CUX2: variants seen among roughly 807,000 people sequenced by gnomAD.
CUX2 encodes the protein cut like homeobox 2.
In CUX2, 40 loss-of-function variants were observed where a neutral mutation model predicts 144.8. The ratio of observed to expected loss-of-function variants is 0.28; its 90% CI spans 0.21 to 0.36. CUX2 has a LOEUF of 0.36. CUX2 is among the 10% of genes least tolerant of loss of function. The pLI, the probability that CUX2 is intolerant of heterozygous loss-of-function variation, is 1.00. For synonymous variants in CUX2, 827 were observed against 875.6 expected (o/e 0.94, Z 0.98); for missense variants, 1,615 against 1,994.0 (o/e 0.81, Z 3.62).
intron 1 of CUX2, among the ~76,000 whole-genome samples, chr12:111,172,902 G>C (rs1878632991): frequency 6.6e-6 from 1 of 152,244 alleles, no homozygotes; most frequent in South Asian, 2.1e-4. Context: ...TTCCCTTCCA[G>C]CTTTAGCTCC....
intron 1 of CUX2, among the ~76,000 whole-genome samples, chr12:111,169,949 G>T (rs1454975679): frequency 6.6e-6 from 1 of 152,184 alleles, no homozygotes; most frequent in Non-Finnish European, 1.5e-5. Context: ...GCCCGCTAGA[G>T]ATTGTGTGTG....
At chr12:111,081,187 G>A (rs1453766631) in intron 1 of CUX2, among the ~76,000 whole-genome samples, 1 of 152,118 alleles carries the variant, frequency 6.6e-6, no homozygotes, top group African/African-American at 2.4e-5. Context: ...GCCCCCTACT[G>A]TTGTCCACCC....
At chr12:111,214,407 CAAGAA>C in intron 2 of CUX2, 97 bp downstream of exon 2, 1 of 695,988 alleles carries the variant, frequency 1.4e-6, no homozygotes, top group Admixed American at 3.3e-5. Flanking sequence ...AAGTGACTAA[CAAGAA>C]AAGAAGCTAA....
At chr12:111,132,039 A>G (rs1875516315) in intron 1 of CUX2, among the ~76,000 whole-genome samples, 1 of 152,118 alleles carries the variant, frequency 6.6e-6, no homozygotes, top group South Asian at 2.1e-4. Flanking sequence ...GCCCTAGCAA[A>G]CGTTCTCCAT....
At chr12:111,133,064 A>G (rs1394392444) in intron 1 of CUX2, among the ~76,000 whole-genome samples, 1 of 152,198 alleles carries the variant, frequency 6.6e-6, no homozygotes, top group Non-Finnish European at 1.5e-5. Context: ...AGGTCCCCAC[A>G]GGATCCTCAT....
intron 1 of CUX2, among the ~76,000 whole-genome samples, chr12:111,137,377 T>TTGTTGTTGTTGTTGTTGA (rs1566246566): frequency 1.3e-5 from 2 of 148,192 alleles, no homozygotes; most frequent in African/African-American, 5.3e-5. Flanking sequence ...GTTGATGTTG[T>TTGTTGTTGTTGTTGTTGA]CGTTGTTGTT....
intron 4 of CUX2, among the ~76,000 whole-genome samples, chr12:111,280,518 G>A (rs73199847): frequency 0.049 from 7,499 of 152,242 alleles, 196 homozygotes; most frequent in South Asian, 0.09. Context: ...TCCTCTGGCT[G>A]CTGTGCCCCA....
chr12:111,059,252 G>A lies in CUX2; in HGVS notation c.63+25012G>A, dbSNP rs910268141. Reference sequence around the variant, plus strand: ...GGGGCCCCTCTTTGCAGGGCTTCTCGGGGAGGTGGGAGGGGAGGAGGGCTA... The same window carrying A: ...GGGGCCCCTCTTTGCAGGGCTTCTCAGGGAGGTGGGAGGGGAGGAGGGCTA... On this transcript the variant is annotated intron_variant, in intron 1 of 21. Transcript: ENST00000261726. The surrounding 1 kb of genome is among the most constrained non-coding windows in gnomAD (Gnocchi z 5.3). Among the ~76,000 whole-genome samples, 9 of 152,232 alleles carry A rather than the reference G, an allele frequency of 5.9e-5. No homozygotes were observed. Among genetic ancestry groups the A allele is most frequent in the African/African-American group, 1.7e-4 (7 of 41,464 alleles).
In CUX2 at chr12:111,214,161, TTC is replaced by T. The variant is rs200759856; in HGVS notation, c.64-27_64-26del. 7.4e-5 allele frequency: 92 copies of T among 1,235,222 alleles called. 1 individual carries two copies. The highest frequency in any genetic ancestry group is 4.6e-4 in the South Asian group (30 of 64,596). The allele number at this position is 1,235,222 out of a possible 1,614,324, so 76.5% of individuals were successfully genotyped here. ...AAAAAAGAAGAAAAATCTTTTTCTT[TTC>T]TCTCTCTCTCTTTTTTTTTTTTTTT... On this transcript the variant is annotated intron_variant, in intron 1 of 21. Transcript: ENST00000261726.
intron 1 of CUX2, among the ~76,000 whole-genome samples, chr12:111,093,081 G>T (rs1291449600): frequency 6.6e-6 from 1 of 152,182 alleles, no homozygotes; most frequent in Non-Finnish European, 1.5e-5. Context: ...CTCCCAAAGT[G>T]CTGGGACTGC....
intron 1 of CUX2, among the ~76,000 whole-genome samples, chr12:111,102,726 C>G (rs1873333690): frequency 1.3e-5 from 2 of 152,146 alleles, no homozygotes; most frequent in African/African-American, 2.4e-5. Context: ...AGTTCTAGTT[C>G]TTCCAGTTGC....
rs766481035 is a variant in CUX2, at chr12:111,160,029, A to T, written c.64-54171A>T. Reference sequence around the variant, plus strand: ...GACAAAGTGAGACTATCTTAAAAACAAAACAAAACAACAACTACAAAAAAA... The same window carrying T: ...GACAAAGTGAGACTATCTTAAAAACTAAACAAAACAACAACTACAAAAAAA... On this transcript the variant is annotated intron_variant, in intron 1 of 21. Coordinates refer to ENST00000261726, the MANE Select transcript of CUX2 (RefSeq NM_015267.4). This position sits in a 1 kb window ranked among gnomAD's most constrained non-coding sequence, Gnocchi z 4.1. Among the ~76,000 whole-genome samples, 1 of 152,196 alleles carries T rather than the reference A, an allele frequency of 6.6e-6. No individual in the cohort carries two copies. The highest frequency in any genetic ancestry group is 2.4e-5 in the African/African-American group (1 of 41,452).
In CUX2 at chr12:111,078,793, A is replaced by G. The variant is rs910827066; in HGVS notation, c.63+44553A>G. Among the ~76,000 whole-genome samples, 5 of 152,190 alleles carry G rather than the reference A, an allele frequency of 3.3e-5. No individual in the cohort carries two copies. In the South Asian group the frequency reaches 8.3e-4, roughly 25 times the overall value. On this transcript the variant is annotated intron_variant, in intron 1 of 21. Coordinates refer to ENST00000261726, the MANE Select transcript of CUX2 (RefSeq NM_015267.4). ...GTGATGGAAAAGGTCACTCAGAGGC[A>G]GGTGGGCTGGGAGACCCCTGAGGGG...
At position 111,115,709 on chromosome 12, in the gene CUX2, G is replaced by C. The variant is rs539497825; in HGVS notation, c.63+81469G>C. On this transcript the variant is annotated intron_variant, in intron 1 of 21. Transcript: ENST00000261726. The stretch of plus-strand genomic sequence containing the variant: ...GGAGGTCTTTGTTATCTCCTGACTC[G>C]ATGATCCAGCTCCTGTTATACCCTC... Among the ~76,000 whole-genome samples, 12 of 152,150 alleles carry C rather than the reference G, an allele frequency of 7.9e-5. No homozygotes were observed. The East Asian group carries it at 2.1e-3, about 27-fold the overall frequency.
chr12:111,330,728 T>TATATATAC (rs1888078279), intron 18 of CUX2, among the ~76,000 whole-genome samples: 21 of 50,124 alleles, frequency 4.2e-4, no homozygotes, highest in Admixed American at 1.8e-3. Flanking sequence ...TATATATATA[T>TATATATAC]ATATATATAT....
chr12:111,043,216 C>T (rs1057134989), intron 1 of CUX2, among the ~76,000 whole-genome samples: 1 of 152,068 alleles, frequency 6.6e-6, no homozygotes, highest in Non-Finnish European at 1.5e-5. Context: ...ATTTCACAGA[C>T]GGGCAAGGGG....
Position 111,059,792 on chromosome 12 carries a change from G to T in CUX2, c.63+25552G>T, listed in dbSNP as rs188919590. Reference sequence around the variant, plus strand: ...CTCAGTCCTGGCTGGGATGCCGAGGGTGGGGGCAGTGAGGGAGGTGTTGGG... The same window carrying T: ...CTCAGTCCTGGCTGGGATGCCGAGGTTGGGGGCAGTGAGGGAGGTGTTGGG... On this transcript the variant is annotated intron_variant, in intron 1 of 21. Coordinates refer to ENST00000261726, the MANE Select transcript of CUX2 (RefSeq NM_015267.4). The surrounding 1 kb of genome is among the most constrained non-coding windows in gnomAD (Gnocchi z 5.3). 3.3e-5 allele frequency among the ~76,000 whole-genome samples: 5 copies of T among 152,190 alleles called. No individual in the cohort carries two copies. Among genetic ancestry groups the T allele is most frequent in the African/African-American group, 1.2e-4 (5 of 41,516 alleles).
intron 1 of CUX2, among the ~76,000 whole-genome samples, chr12:111,156,995 A>AC (rs1877424583): frequency 6.6e-6 from 1 of 150,758 alleles, no homozygotes; most frequent in African/African-American, 2.4e-5. Context: ...CAAAAAAAAA[A>AC]AAAAAAAAAA....
intron 3 of CUX2, among the ~76,000 whole-genome samples, chr12:111,245,486 G>T (rs1426029676): frequency 6.6e-6 from 1 of 151,690 alleles, no homozygotes; most frequent in Admixed American, 6.6e-5. Context: ...ACCAGACATG[G>T]TGGCACACCC....
Sources: allele counts gnomAD v4.1 joint callset (sites outside exome capture counted in the v4.1 genomes callset), GRCh38; gene constraint gnomAD v4.1.1; non-coding constraint Gnocchi (gnomAD v3.1); transcripts MANE v1.5; gene names NCBI Gene and HGNC (gene_info 2026-07-23, HGNC 2026-07-21).